Variants in NRG1 observed in about 807,000 individuals in gnomAD.
The protein encoded by NRG1 is neuregulin 1.
NRG1 carries 18 observed loss-of-function variants against 63.8 expected under a neutral mutation model. That is an observed-to-expected ratio of 0.28 (90% CI 0.19 to 0.42). The LOEUF (loss-of-function observed/expected upper bound fraction) is 0.42. NRG1 is among the 10% of genes least tolerant of loss of function. The pLI is 1.00. For synonymous variants in NRG1, 302 were observed against 301.3 expected (o/e 1.00, Z -0.02); for missense variants, 762 against 814.7 (o/e 0.94, Z 0.79).
chr8:31,881,783 T>G (rs551781286), intron 1 of NRG1, among the ~76,000 whole-genome samples: 1 of 152,228 alleles, frequency 6.6e-6, no homozygotes, highest in Admixed American at 6.5e-5. Context: ...GCCACAACAT[T>G]CTCTTAAGCC....
intron 4 of NRG1, among the ~76,000 whole-genome samples, chr8:32,616,464 T>G (rs571267801): frequency 6.6e-6 from 1 of 152,246 alleles, no homozygotes; most frequent in Admixed American, 6.6e-5. Context: ...CCAGGGGCTA[T>G]TCTCTTTGGT....
At chr8:31,777,034 T>C (rs6998755) in intron 1 of NRG1, among the ~76,000 whole-genome samples, 113,563 of 151,942 alleles carry the variant, frequency 0.75, 42,935 homozygotes, top group East Asian at 0.99. Flanking sequence ...ATGTTTATTG[T>C]GGCACTATTC....
chr8:31,720,038 G>GA (rs1417095325), intron 1 of NRG1, among the ~76,000 whole-genome samples: 1 of 151,840 alleles, frequency 6.6e-6, no homozygotes, highest in African/African-American at 2.4e-5. Context: ...GAGTGTGATG[G>GA]AAAAAAATAA....
intron 1 of NRG1, among the ~76,000 whole-genome samples, chr8:32,219,333 G>A (rs978451076): frequency 1.3e-5 from 2 of 152,062 alleles, no homozygotes; most frequent in African/African-American, 4.8e-5. Flanking sequence ...AGCTTTTGCA[G>A]GAAAGAAAAG....
chr8:32,423,154 C>T (rs1432396935), intron 1 of NRG1, among the ~76,000 whole-genome samples: 1 of 152,222 alleles, frequency 6.6e-6, no homozygotes, highest in Non-Finnish European at 1.5e-5. Context: ...GTATTCAATT[C>T]ACTGGAAAGT....
intron 1 of NRG1, among the ~76,000 whole-genome samples, chr8:31,760,149 C>A (rs1488247837): frequency 6.6e-6 from 1 of 152,052 alleles, no homozygotes; most frequent in Non-Finnish European, 1.5e-5. Flanking sequence ...AATGGTAACG[C>A]CTAGGTTTTC....
At chr8:31,701,746 T>C (rs935494204) in intron 1 of NRG1, among the ~76,000 whole-genome samples, 1 of 152,108 alleles carries the variant, frequency 6.6e-6, no homozygotes, top group African/African-American at 2.4e-5. Context: ...TATTCCAACA[T>C]AACAGAAAAA....
At chr8:31,879,363 A>G (rs1005037832) in intron 1 of NRG1, among the ~76,000 whole-genome samples, 1 of 152,202 alleles carries the variant, frequency 6.6e-6, no homozygotes, top group African/African-American at 2.4e-5. Context: ...GTAAGACTAC[A>G]AAGTCCTTAC....
chr8:31,905,964 ATGAATAGCG>A (rs1343034667), intron 1 of NRG1, among the ~76,000 whole-genome samples: 1 of 152,230 alleles, frequency 6.6e-6, no homozygotes, highest in African/African-American at 2.4e-5. Context: ...AGTTTAAATG[ATGAATAGCG>A]TGAACAATAT....
At chr8:32,762,054 A>AT (rs912224007) in intron 11 of NRG1, among the ~76,000 whole-genome samples, 7 of 150,804 alleles carry the variant, frequency 4.6e-5, no homozygotes, top group Non-Finnish European at 1.0e-4. Context: ...AAAAAAAAAA[A>AT]AAAAAACATT....
chr8:32,516,714 ATT>A (rs748015697), intron 1 of NRG1, among the ~76,000 whole-genome samples: 1 of 152,052 alleles, frequency 6.6e-6, no homozygotes, highest in Non-Finnish European at 1.5e-5. Context: ...TGCATTCTTG[ATT>A]TGGCTCTCAG....
intron 1 of NRG1, among the ~76,000 whole-genome samples, chr8:32,511,131 G>T (rs1055622301): frequency 3.1e-4 from 47 of 150,396 alleles, no homozygotes; most frequent in African/African-American, 1.1e-3. Flanking sequence ...ATAGTGGACT[G>T]ATCTATTTTA....
intron 1 of NRG1, among the ~76,000 whole-genome samples, chr8:31,838,817 A>G (rs1825921507): frequency 6.6e-6 from 1 of 152,184 alleles, no homozygotes; most frequent in Admixed American, 6.5e-5. Context: ...TATGTTTTCC[A>G]AAGACCTAAA....
chr8:32,060,619 T>C (rs1823687536), intron 1 of NRG1, among the ~76,000 whole-genome samples: 1 of 152,006 alleles, frequency 6.6e-6, no homozygotes, highest in Admixed American at 6.6e-5. Flanking sequence ...TCCTGCTGTT[T>C]GTTTCCCAAT....
At chr8:32,383,324 T>C (rs16879304) in intron 1 of NRG1, among the ~76,000 whole-genome samples, 13,082 of 152,140 alleles carry the variant, frequency 0.086, 644 homozygotes, top group African/African-American at 0.12. Context: ...ATGAAACTTA[T>C]AAATAAAACT....
chr8:32,197,983 C>T (rs912617563), intron 1 of NRG1, among the ~76,000 whole-genome samples: 4 of 152,148 alleles, frequency 2.6e-5, no homozygotes, highest in Non-Finnish European at 4.4e-5. Flanking sequence ...CACGCGCACA[C>T]ACACACACAC....
At chr8:31,756,133 T>G (rs1816943720) in intron 1 of NRG1, among the ~76,000 whole-genome samples, 1 of 152,266 alleles carries the variant, frequency 6.6e-6, no homozygotes, top group South Asian at 2.1e-4. Context: ...TATGTAGGCT[T>G]ACACAATTGA....
At chr8:32,524,889 G>A (rs956879198) in intron 1 of NRG1, among the ~76,000 whole-genome samples, 1 of 152,104 alleles carries the variant, frequency 6.6e-6, no homozygotes, top group African/African-American at 2.4e-5. Flanking sequence ...AATTTCATTT[G>A]CCTGATTTAC....
chr8:31,907,570 C>T (rs1356289779), intron 1 of NRG1, among the ~76,000 whole-genome samples: 2 of 152,014 alleles, frequency 1.3e-5, no homozygotes, highest in Admixed American at 1.3e-4. Context: ...CACAAAAAAC[C>T]CTGACACATA....
Sources: gnomAD v4.1 joint callset for allele counts (sites outside exome capture counted in the v4.1 genomes callset) on GRCh38, gnomAD v4.1.1 for gene constraint, MANE v1.5 for transcripts, NCBI Gene and HGNC (gene_info 2026-07-23, HGNC 2026-07-21) for gene names.